HMGA2: variants seen among roughly 807,000 people sequenced by gnomAD.
HMGA2 encodes high mobility group AT-hook 2.
HMGA2 carries 8 observed loss-of-function variants against 19.1 expected under a neutral mutation model. The observed-to-expected ratio is 0.42, with a 90% CI of 0.25 to 0.76. The LOEUF is 0.76. HMGA2 is among the 30% of genes least tolerant of loss of function. The probability of loss-of-function intolerance (pLI) is 0.28; values close to 1 mark genes in which losing one functional copy is unlikely to be tolerated. For missense variants in HMGA2, 109 were observed against 136.3 expected (o/e 0.80, Z 1.00); for synonymous variants, 60 against 48.8 (o/e 1.23, Z -0.96).
At chr12:65,828,463 T>TA (rs1476132043) in intron 2 of HMGA2, 2 of 227,690 alleles carry the variant, frequency 8.8e-6, no homozygotes, top group East Asian at 2.2e-4. Flanking sequence ...TGCCTGGTGG[T>TA]AAAGTTTTTG....
At chr12:65,939,831 A>T (rs1054554770) in intron 3 of HMGA2, among the ~76,000 whole-genome samples, 1 of 152,192 alleles carries the variant, frequency 6.6e-6, no homozygotes, top group Non-Finnish European at 1.5e-5. Flanking sequence ...AGACGTGGAG[A>T]TTTCTTCAGT....
intron 4 of HMGA2, among the ~76,000 whole-genome samples, chr12:65,961,534 A>G (rs1876750397): frequency 1.3e-5 from 2 of 152,242 alleles, no homozygotes; most frequent in Non-Finnish European, 2.9e-5. Context: ...CACAAAACCC[A>G]AAGCAGACTA....
chr12:65,862,831 A>G (rs1872178087), intron 3 of HMGA2, among the ~76,000 whole-genome samples: 1 of 152,224 alleles, frequency 6.6e-6, no homozygotes. Context: ...GAAATGTGAT[A>G]TAGAAAGTGG....
Position 65,866,885 on chromosome 12 carries a change from G to A in HMGA2, c.249+28316G>A, listed in dbSNP as rs552751342. ...GAGTCAAATTTTTCTTTCTGCTGCTGTTTTCCTTCTGCTGCCATTTTTCTT... is the reference window on the plus strand; with the variant it reads ...GAGTCAAATTTTTCTTTCTGCTGCTATTTTCCTTCTGCTGCCATTTTTCTT... On this transcript the variant is annotated intron_variant, in intron 3 of 4. Transcript: ENST00000403681. 8 of 456,950 alleles carry A rather than the reference G, an allele frequency of 1.8e-5. No individual in the cohort carries two copies. The East Asian group carries it at 5.6e-4, about 32-fold the overall frequency. 28.3% of individuals were successfully genotyped at this position (456,950 alleles called of 1,614,324 possible).
chr12:65,839,561 T>G (rs909627550), intron 3 of HMGA2, among the ~76,000 whole-genome samples: 2 of 152,222 alleles, frequency 1.3e-5, no homozygotes, highest in Admixed American at 1.3e-4. Context: ...TATTTATACT[T>G]TGGTATTGCC....
intron 3 of HMGA2, among the ~76,000 whole-genome samples, chr12:65,840,065 G>A (rs1436672905): frequency 6.6e-6 from 1 of 152,024 alleles, no homozygotes; most frequent in Admixed American, 6.6e-5. Context: ...GAACATTCTT[G>A]TTATTCTTTT....
At chr12:65,915,823 C>T (rs1053591845) in intron 3 of HMGA2, among the ~76,000 whole-genome samples, 18 of 152,136 alleles carry the variant, frequency 1.2e-4, no homozygotes, top group African/African-American at 4.3e-4. Flanking sequence ...ATTCTATTAA[C>T]AGATTCTTAG....
At chr12:65,959,084 C>T (rs1312573922) in intron 4 of HMGA2, among the ~76,000 whole-genome samples, 1 of 152,244 alleles carries the variant, frequency 6.6e-6, no homozygotes, top group African/African-American at 2.4e-5. Context: ...TTTCTTCCAG[C>T]ACACACCCTC....
At chr12:65,873,311 T>G (rs1461507534) in intron 3 of HMGA2, among the ~76,000 whole-genome samples, 4 of 152,194 alleles carry the variant, frequency 2.6e-5, no homozygotes, top group African/African-American at 9.6e-5. Flanking sequence ...CTAGGTTCTG[T>G]TGTCTGGTGT....
intron 3 of HMGA2, chr12:65,856,483 T>A (rs1057368984): frequency 6.6e-6 from 1 of 152,300 alleles, no homozygotes; most frequent in Non-Finnish European, 1.5e-5. Context: ...GCGAGCCGCT[T>A]CCTCTTGCCT....
At chr12:65,838,103 T>C (rs1870810141) in intron 2 of HMGA2, among the ~76,000 whole-genome samples, 1 of 152,204 alleles carries the variant, frequency 6.6e-6, no homozygotes, top group Admixed American at 6.5e-5. Flanking sequence ...TTTGCAACTT[T>C]AGTTGTGACA....
chr12:65,915,317 T>C (rs888507821), intron 3 of HMGA2: 1 of 1,410,218 alleles, frequency 7.1e-7, no homozygotes, highest in Non-Finnish European at 9.3e-7. Context: ...TCCCAAGATG[T>C]AGTTTCACTG....
chr12:65,920,494 C>T (rs1408386942), intron 3 of HMGA2, among the ~76,000 whole-genome samples: 3 of 152,158 alleles, frequency 2.0e-5, no homozygotes, highest in Non-Finnish European at 4.4e-5. Context: ...TGTGTCCCCA[C>T]CCAAATGTCA....
intron 3 of HMGA2, among the ~76,000 whole-genome samples, chr12:65,863,459 G>A (rs965250650): frequency 3.9e-5 from 6 of 152,154 alleles, no homozygotes; most frequent in Non-Finnish European, 5.9e-5. Context: ...CCTGGTTCCC[G>A]AAATTGACTG....
chr12:65,839,622 G>T (rs922736844), intron 3 of HMGA2, among the ~76,000 whole-genome samples: 1 of 151,894 alleles, frequency 6.6e-6, no homozygotes, highest in South Asian at 2.1e-4. Context: ...ACATGTGTTG[G>T]GATTAGATTT....
rs558772535 is a variant in HMGA2 at position 65,902,973 on chromosome 12, G to A, written c.250-48410G>A. Among the ~76,000 whole-genome samples the A allele has an allele frequency of 6.6e-5, 10 of 152,184 alleles. No individual in the cohort carries two copies. In the South Asian group the frequency reaches 1.7e-3, roughly 25 times the overall value. On this transcript the variant is annotated intron_variant, in intron 3 of 4. Transcript: ENST00000403681. ...ATAAACCAAGTAGTAGTATTAGAAAGAAAATAAAGCAAGCTGAAGTAGGAT... is the reference window on the plus strand; with the variant it reads ...ATAAACCAAGTAGTAGTATTAGAAAAAAAATAAAGCAAGCTGAAGTAGGAT...
chr12:65,892,588 C>A (rs939256653), intron 3 of HMGA2, among the ~76,000 whole-genome samples: 2 of 152,030 alleles, frequency 1.3e-5, no homozygotes, highest in Admixed American at 6.5e-5. Flanking sequence ...TTTTAAGTAT[C>A]CTGGTGAAAG....
intron 2 of HMGA2, among the ~76,000 whole-genome samples, chr12:65,834,505 TC>T (rs2120854056): frequency 6.6e-6 from 1 of 151,902 alleles, no homozygotes; most frequent in Non-Finnish European, 1.5e-5. Flanking sequence ...CTTCCTTTCC[TC>T]TTGCCCTCCC....
Position 65,930,477 on chromosome 12 carries a change from A to G in HMGA2, c.250-20906A>G, listed in dbSNP as rs79004538. Among the ~76,000 whole-genome samples the G allele has an allele frequency of 4.6e-3, 703 of 152,274 alleles. 5 individuals are homozygous for G. Among genetic ancestry groups the G allele is most frequent in the African/African-American group, 0.016 (647 of 41,552 alleles). ...AGAGAGAGTTTGCGGGGAGCTTGGC[A>G]TTTTTCAACACATGCTTTTTGGCTT... On this transcript the variant is annotated intron_variant, in intron 3 of 4. Transcript: ENST00000403681.
Sources: allele counts gnomAD v4.1 joint callset (sites outside exome capture counted in the v4.1 genomes callset), GRCh38; gene constraint gnomAD v4.1.1; transcripts MANE v1.5; gene names NCBI Gene and HGNC (gene_info 2026-07-23, HGNC 2026-07-21).